The following ARFGEF1 variants were observed in gnomAD, a reference collection of about 807,000 sequenced individuals.
The protein encoded by ARFGEF1 is brefeldin A-inhibited guanine nucleotide-exchange protein 1.
In ARFGEF1, 42 loss-of-function variants were observed where a neutral mutation model predicts 231.0. The observed-to-expected ratio is 0.18, with a 90% confidence interval of 0.14 to 0.24. The LOEUF (loss-of-function observed/expected upper bound fraction) is 0.24, where lower values mean the gene tolerates loss of function less well. Among genes scored for constraint, ARFGEF1 ranks in the 10% least tolerant of loss-of-function variants. ARFGEF1 has a pLI of 1.00. For missense variants in ARFGEF1, 1,345 were observed against 2,192.0 expected, an observed-to-expected ratio of 0.61 and a Z score of 7.72; for synonymous variants, 710 against 732.3, an observed-to-expected ratio of 0.97 and a Z score of 0.49.
intron 9 of ARFGEF1, among the ~76,000 whole-genome samples, chr8:67,275,680 G>C (rs1011178611): frequency 1.1e-4 from 16 of 152,044 alleles, no homozygotes; most frequent in African/African-American, 3.9e-4. Context: ...CTAGAATGCT[G>C]TCATACCCTT....
chr8:67,244,175 G>A (rs999279958), intron 19 of ARFGEF1, among the ~76,000 whole-genome samples: 11 of 148,008 alleles, frequency 7.4e-5, no homozygotes, highest in Non-Finnish European at 1.2e-4. Flanking sequence ...CCTGGGAGGC[G>A]GAGGTTGCAA....
At chr8:67,302,768 G>A (rs543434584) in intron 1 of ARFGEF1, among the ~76,000 whole-genome samples, 51 of 152,016 alleles carry the variant, frequency 3.4e-4, no homozygotes, top group Middle Eastern at 3.4e-3. Flanking sequence ...GTTACATTAA[G>A]CAGAAGCATT....
At chr8:67,196,102 A>G (rs145870153), downstream of ARFGEF1, 1 of 153,564 alleles carries the variant, frequency 6.5e-6, no homozygotes, top group Non-Finnish European at 1.5e-5. Context: ...GCAGAAATGA[A>G]GGGAACTGTA....
intron 34 of ARFGEF1, among the ~76,000 whole-genome samples, chr8:67,208,629 C>CAAAAAAAAA (rs1226322166): frequency 3.2e-4 from 16 of 50,518 alleles, no homozygotes; most frequent in African/African-American, 9.5e-4. Flanking sequence ...GACTCCATCT[C>CAAAAAAAAA]AAAAAAAAAA....
intron 34 of ARFGEF1, among the ~76,000 whole-genome samples, chr8:67,206,156 T>C (rs1838507433): frequency 6.6e-6 from 1 of 152,012 alleles, no homozygotes; most frequent in Non-Finnish European, 1.5e-5. Context: ...ATGCCTGTAA[T>C]CCCAGCACTT....
chr8:67,213,186 T>C (rs1838810889), intron 33 of ARFGEF1, among the ~76,000 whole-genome samples: 1 of 152,202 alleles, frequency 6.6e-6, no homozygotes. Context: ...TTTTAACCGT[T>C]GACAATTTGT....
chr8:67,208,703 T>C (rs1298124881), intron 34 of ARFGEF1, among the ~76,000 whole-genome samples: 1 of 151,270 alleles, frequency 6.6e-6, no homozygotes, highest in African/African-American at 2.4e-5. Context: ...CTCATGACCT[T>C]GGATTTTGAC....
intron 23 of ARFGEF1, 67 bp from the exon 24 acceptor site, chr8:67,228,331 G>A (rs1484170555): frequency 7.7e-6 from 11 of 1,419,580 alleles, no homozygotes; most frequent in Non-Finnish European, 1.1e-5. Context: ...TGAAAAGTAT[G>A]TGGCATGGGG....
chr8:67,269,343 C>T lies in ARFGEF1; in HGVS notation c.1573-1901G>A, dbSNP rs531523354. ...GGTTTTCATAGCTGGGCTTTCTCCA[C>T]GTTCAGCTTTTTTTTTTTTTTTTTT... On this transcript the variant is annotated intron_variant, in intron 10 of 38. Transcript: ENST00000262215. Among the ~76,000 whole-genome samples, 26 of 148,862 alleles carry T rather than the reference C, an allele frequency of 1.7e-4. No individual in the cohort carries two copies. In the East Asian group the frequency reaches 3.1e-3, roughly 18 times the overall value.
intron 27 of ARFGEF1, among the ~76,000 whole-genome samples, 166 bp from the exon 28 acceptor site, chr8:67,226,349 C>T (rs1005268419): frequency 1.3e-5 from 2 of 152,048 alleles, no homozygotes; most frequent in African/African-American, 4.8e-5. Flanking sequence ...TAACTGACTG[C>T]CCTGAGTGGT....
At chr8:67,261,606 C>T (rs527531372) in intron 14 of ARFGEF1, among the ~76,000 whole-genome samples, 9 of 152,172 alleles carry the variant, frequency 5.9e-5, no homozygotes, top group Non-Finnish European at 1.2e-4. Flanking sequence ...TGGAGATGTG[C>T]GATGAGATTA....
intron 30 of ARFGEF1, among the ~76,000 whole-genome samples, 167 bp downstream of exon 30, chr8:67,219,264 G>A (rs1036837553): frequency 6.6e-6 from 1 of 152,222 alleles, no homozygotes; most frequent in Non-Finnish European, 1.5e-5. Flanking sequence ...ACTGCGCCCA[G>A]CCAGTGTTCT....
At chr8:67,194,638 T>TATTA (rs1837380930), downstream of ARFGEF1, among the ~76,000 whole-genome samples, 1 of 151,928 alleles carries the variant, frequency 6.6e-6, no homozygotes, top group Admixed American at 6.6e-5. Flanking sequence ...AGCTTTTTGT[T>TATTA]ATTATGTGGA....
chr8:67,246,124 T>C (rs1840099194), intron 19 of ARFGEF1, among the ~76,000 whole-genome samples: 1 of 149,978 alleles, frequency 6.7e-6, no homozygotes, highest in Non-Finnish European at 1.5e-5. Context: ...AAAGCAAATA[T>C]TATTAGAGCT....
intron 5 of ARFGEF1, among the ~76,000 whole-genome samples, chr8:67,192,076 TTG>T (rs1431643881): frequency 8.7e-4 from 128 of 146,630 alleles, no homozygotes; most frequent in African/African-American, 2.7e-3. Context: ...GTTTTTTTTT[TTG>T]TTTTTTTTTT....
chr8:67,218,965 C>T (rs894156301), intron 30 of ARFGEF1, among the ~76,000 whole-genome samples: 1 of 152,038 alleles, frequency 6.6e-6, no homozygotes, highest in Non-Finnish European at 1.5e-5. Context: ...TTCTATCCCC[C>T]ACACAGTGTT....
chr8:67,312,729 T>G (rs1433255703), intron 1 of ARFGEF1, among the ~76,000 whole-genome samples: 1 of 152,230 alleles, frequency 6.6e-6, no homozygotes, highest in Non-Finnish European at 1.5e-5. Context: ...TCTTATGTGG[T>G]TGCTAATGTA....
intron 1 of ARFGEF1, 25 bp downstream of exon 1, chr8:67,343,139 T>C: frequency 1.8e-5 from 6 of 335,790 alleles, no homozygotes; most frequent in Non-Finnish European, 2.8e-5. Flanking sequence ...AAGCACCCCA[T>C]CCCCCGGGCC....
Position 67,302,423 on chromosome 8 carries a change from A to G in ARFGEF1, c.155+13T>C, listed in dbSNP as rs911439072. The G allele has an allele frequency of 3.2e-6, 5 of 1,562,960 alleles. No homozygotes were observed. Among genetic ancestry groups the G allele is most frequent in the Non-Finnish European group, 4.3e-6 (5 of 1,159,278 alleles). On this transcript the variant is annotated intron_variant, in intron 2 of 38. Coordinates refer to ENST00000262215, the MANE Select transcript of ARFGEF1 (RefSeq NM_006421.5). Reference sequence around the variant, plus strand: ...GAAAATTATTTTTACTAAAGAAAAGAAATCCCACAAACCTCTGTTTTTCAG... The same window carrying G: ...GAAAATTATTTTTACTAAAGAAAAGGAATCCCACAAACCTCTGTTTTTCAG...
Sources: gnomAD v4.1 joint callset for allele counts (sites outside exome capture counted in the v4.1 genomes callset) on GRCh38, gnomAD v4.1.1 for gene constraint, MANE v1.5 for transcripts, NCBI Gene and HGNC (gene_info 2026-07-23, HGNC 2026-07-21) for gene names.